The following SASH1 variants were observed in gnomAD, a reference collection of about 807,000 sequenced individuals.
The protein encoded by SASH1 is SAM and SH3 domain containing 1, also known as SAM and SH3 domain-containing protein 1.
A neutral mutation model predicts 125.2 loss-of-function variants in SASH1; 44 were observed. That is an observed-to-expected ratio of 0.35 (90% confidence interval 0.28 to 0.45). The LOEUF (loss-of-function observed/expected upper bound fraction) is 0.45. Among genes scored for constraint, SASH1 ranks in the 20% least tolerant of loss-of-function variants. The pLI, the probability that SASH1 is intolerant of heterozygous loss-of-function variation, is 1.00. For synonymous variants in SASH1, 639 were observed against 649.1 expected, an observed-to-expected ratio of 0.98 and a Z score of 0.24; for missense variants, 1,426 against 1,614.5, an observed-to-expected ratio of 0.88 and a Z score of 2.00.
rs145379729 is a variant in SASH1 at position 148,534,063 on chromosome 6, G to A, written c.1944+83G>A. 1,375 of 1,232,624 alleles carry A rather than the reference G, an allele frequency of 1.1e-3. 9 individuals are homozygous for A. In the African/African-American group the frequency reaches 0.018, roughly 16 times the overall value. The allele number at this position is 1,232,624 out of a possible 1,614,324, so 76.4% of individuals were successfully genotyped here. On this transcript the variant is annotated intron_variant, in intron 15 of 19. Coordinates refer to ENST00000367467, the MANE Select transcript of SASH1 (RefSeq NM_015278.5). ...CACTAAGCAAGTGAGGGCATTTTTA[G>A]GGTAGGGTTGGGGCTGATCTGTGTG...
intron 1 of SASH1, among the ~76,000 whole-genome samples, chr6:148,366,156 T>C (rs2114726711): frequency 6.6e-6 from 1 of 152,112 alleles, no homozygotes. Context: ...ATGGTAGCGC[T>C]GCCTGTATTT....
chr6:148,231,085 T>C, the SASH1 span, among the ~76,000 whole-genome samples: 1 of 152,238 alleles, frequency 6.6e-6, no homozygotes, highest in Non-Finnish European at 1.5e-5. Flanking sequence ...TTCTATGTTT[T>C]CTTCTAGGAG....
chr6:148,369,868 C>T (rs1023932248), intron 1 of SASH1, among the ~76,000 whole-genome samples: 33 of 149,830 alleles, frequency 2.2e-4, no homozygotes, highest in African/African-American at 7.4e-4. Context: ...GCATGAGATT[C>T]GCTTGAACCG....
At chr6:148,219,866 G>T in the SASH1 span, among the ~76,000 whole-genome samples, 2 of 152,222 alleles carry the variant, frequency 1.3e-5, no homozygotes, top group African/African-American at 4.8e-5. Flanking sequence ...AACCTGAGGG[G>T]AGGGTCCGGG....
In SASH1 at chr6:148,544,587, G is replaced by A. The variant is rs1361565301; in HGVS notation, c.3117G>A (p.Leu1039=). The part of the protein sequence containing the change: ...PTSPSDCPPA[L]APRPLSGQAP... ...GCCCTAGCGACTGTCCCCCAGCACT[G>A]GCTCCCAGGCCTCTCTCAGGGCAGG... Residue 1039 remains leucine (L), a synonymous_variant, in exon 18 of 20, where the codon CTG becomes CTA. Transcript: ENST00000367467. This position sits in a 1 kb window ranked among gnomAD's most constrained non-coding sequence, Gnocchi z 6.4. 6.2e-7 allele frequency: 1 copy of A among 1,613,222 alleles called. No individual in the cohort carries two copies. Among genetic ancestry groups the A allele is most frequent in the South Asian group, 1.1e-5 (1 of 91,056 alleles).
At position 148,349,243 on chromosome 6, in the gene SASH1, TCTTTCTTTC is replaced by T. The variant is rs200135429; in HGVS notation, c.156+6021_156+6029del. Among the ~76,000 whole-genome samples, 254 of 100,406 alleles carry T rather than the reference TCTTTCTTTC, an allele frequency of 2.5e-3. 1 individual carries two copies. Among genetic ancestry groups the T allele is most frequent in the African/African-American group, 6.7e-3 (150 of 22,544 alleles). 65.9% of individuals were successfully genotyped at this position (100,406 alleles called of 152,430 possible). ...GTAACTTTTTTATTTCATTCTTTCT[TCTTTCTTTC>T]TTTTTTTTTTTTTTTTTTTTTTTTT... On this transcript the variant is annotated intron_variant, in intron 1 of 19. Transcript: ENST00000367467.
rs552047533 is a variant in SASH1, at chr6:148,448,032, G to A, written c.386+7625G>A. Among the ~76,000 whole-genome samples, 12 of 151,948 alleles carry A rather than the reference G, an allele frequency of 7.9e-5. 1 individual carries two copies. Among genetic ancestry groups the A allele is most frequent in the South Asian group, 2.1e-4 (1 of 4,800 alleles). ...GGTTGGCCCCTCCCAGAATTCTCCC[G>A]TAATCCACAGACTTGAGGTGAAGTG... On this transcript the variant is annotated intron_variant, in intron 4 of 19. Coordinates refer to ENST00000367467, the MANE Select transcript of SASH1 (RefSeq NM_015278.5).
At chr6:148,276,846 A>T (rs914883859) in intron 1 of SASH1, among the ~76,000 whole-genome samples, 1 of 152,098 alleles carries the variant, frequency 6.6e-6, no homozygotes, top group African/African-American at 2.4e-5. Context: ...GCTACTTGGG[A>T]GGCTGAGGCA....
At chr6:148,202,610 G>C in the SASH1 span, among the ~76,000 whole-genome samples, 17 of 152,224 alleles carry the variant, frequency 1.1e-4, no homozygotes, top group African/African-American at 4.1e-4. Flanking sequence ...CTGGCACCAA[G>C]AGTGGAAGAT....
chr6:148,452,785 G>A (rs1460763872), intron 4 of SASH1, among the ~76,000 whole-genome samples: 3 of 152,214 alleles, frequency 2.0e-5, no homozygotes, highest in African/African-American at 4.8e-5. Context: ...CTCATTAGAC[G>A]GTGCCATACA....
intron 7 of SASH1, chr6:148,479,403 T>C (rs763198752): frequency 4.8e-6 from 1 of 206,278 alleles, no homozygotes; most frequent in Non-Finnish European, 1.0e-5. Flanking sequence ...TCTACAGTCA[T>C]CTCAGGACAC....
At chr6:148,223,174 G>A in the SASH1 span, among the ~76,000 whole-genome samples, 3 of 152,142 alleles carry the variant, frequency 2.0e-5, no homozygotes, top group East Asian at 1.9e-4. Context: ...AGAGAGAGCC[G>A]AGCTGTCTGG....
chr6:148,243,287 C>T, the SASH1 span, among the ~76,000 whole-genome samples: 2 of 151,800 alleles, frequency 1.3e-5, no homozygotes, highest in Non-Finnish European at 1.5e-5. Context: ...CCCGTCTTTA[C>T]TAAAAATACA....
rs144016974 is a variant in SASH1, at chr6:148,352,596, TATAAATAAATAA to T, written c.156+9409_156+9420del. Among the ~76,000 whole-genome samples the T allele has an allele frequency of 1.4e-3, 204 of 141,352 alleles. 2 individuals are homozygous for T. Among genetic ancestry groups the T allele is most frequent in the Middle Eastern group, 3.6e-3 (1 of 278 alleles). The allele number at this position is 141,352 out of a possible 152,430, so 92.7% of individuals were successfully genotyped here. A position where few individuals can be genotyped will look rare whatever the true frequency, so the allele number is the denominator to read the frequency against. On this transcript the variant is annotated intron_variant, in intron 1 of 19. Transcript: ENST00000367467. ...TGGGAGACAGAGTGAGACTCCTTCT[TATAAATAAATAA>T]ATAAATAAATAAATAAATAAATAAA...
intron 8 of SASH1, chr6:148,508,951 TC>T (rs753396935): frequency 1.4e-6 from 1 of 725,694 alleles, no homozygotes; most frequent in Non-Finnish European, 2.1e-6. Flanking sequence ...TTTTTGCTGC[TC>T]CTGCCTATGA....
intron 1 of SASH1, among the ~76,000 whole-genome samples, chr6:148,276,358 G>A (rs1311418729): frequency 3.9e-5 from 6 of 152,158 alleles, no homozygotes; most frequent in Non-Finnish European, 8.8e-5. Flanking sequence ...CGTCTCTTCT[G>A]TCCAGCCTTG....
At chr6:148,360,641 C>G (rs987728891) in intron 1 of SASH1, among the ~76,000 whole-genome samples, 5 of 128,048 alleles carry the variant, frequency 3.9e-5, no homozygotes, top group South Asian at 2.3e-4. Context: ...GAGCCACCCC[C>G]CCGCCAGGCT....
At chr6:148,293,597 G>A (rs1054287458) in intron 1 of SASH1, among the ~76,000 whole-genome samples, 1 of 152,140 alleles carries the variant, frequency 6.6e-6, no homozygotes, top group Admixed American at 6.6e-5. Context: ...CAGAGACTCA[G>A]CTAGTCTGGA....
the SASH1 span, among the ~76,000 whole-genome samples, chr6:148,213,137 G>C: frequency 6.6e-6 from 1 of 152,210 alleles, no homozygotes; most frequent in African/African-American, 2.4e-5. Context: ...CTGAGTTAGA[G>C]TGAAATCGAA....
Sources: allele counts gnomAD v4.1 joint callset (sites outside exome capture counted in the v4.1 genomes callset), GRCh38; gene constraint gnomAD v4.1.1; non-coding constraint Gnocchi (gnomAD v3.1); transcripts MANE v1.5; gene names NCBI Gene and HGNC (gene_info 2026-07-23, HGNC 2026-07-21).